Variants in ARHGAP39 observed in about 807,000 individuals in gnomAD.
ARHGAP39 encodes Rho GTPase activating protein 39.
A neutral mutation model predicts 106.9 loss-of-function variants in ARHGAP39; 44 were observed. The ratio of observed to expected loss-of-function variants is 0.41; its 90% CI spans 0.32 to 0.53. The LOEUF is 0.53. Among genes scored for constraint, ARHGAP39 ranks in the 20% least tolerant of loss-of-function variants. The pLI, the probability that ARHGAP39 is intolerant of heterozygous loss-of-function variation, is 0.21. For synonymous variants in ARHGAP39, 768 were observed against 693.2 expected (o/e 1.11, Z -1.69); for missense variants, 1,496 against 1,577.3 (o/e 0.95, Z 0.87).
intron 1 of ARHGAP39, among the ~76,000 whole-genome samples, chr8:144,669,652 T>C (rs113972938): frequency 2.6e-5 from 4 of 151,740 alleles, no homozygotes; most frequent in South Asian, 2.1e-4. Flanking sequence ...ACAGAATATA[T>C]AAAAAACACA....
At chr8:144,635,280 G>T (rs1272279936) in intron 1 of ARHGAP39, among the ~76,000 whole-genome samples, 1 of 152,228 alleles carries the variant, frequency 6.6e-6, no homozygotes, top group African/African-American at 2.4e-5. Flanking sequence ...GAGGCTGAAG[G>T]TTAAGTTGGT....
intron 3 of ARHGAP39, among the ~76,000 whole-genome samples, chr8:144,575,229 C>T (rs1818729134): frequency 6.6e-6 from 1 of 152,178 alleles, no homozygotes; most frequent in Non-Finnish European, 1.5e-5. Context: ...TCACTGCACA[C>T]AACTCCTAAC....
intron 1 of ARHGAP39, among the ~76,000 whole-genome samples, chr8:144,632,438 T>C (rs1192833891): frequency 2.6e-5 from 4 of 152,194 alleles, no homozygotes; most frequent in African/African-American, 9.7e-5. Context: ...CCTCACTGCC[T>C]CTGCCTGGTG....
intron 1 of ARHGAP39, among the ~76,000 whole-genome samples, chr8:144,659,928 C>T (rs1383033317): frequency 6.6e-6 from 1 of 152,192 alleles, no homozygotes; most frequent in East Asian, 1.9e-4. Context: ...AGTCCCAATT[C>T]TCTACCCAAC....
At chr8:144,692,267 A>G in the ARHGAP39 span, among the ~76,000 whole-genome samples, 6 of 150,924 alleles carry the variant, frequency 4.0e-5, no homozygotes, top group Non-Finnish European at 8.8e-5. Flanking sequence ...GGGGCTCCCC[A>G]ATGCCCCGCC....
rs563522861 is a variant in ARHGAP39 at position 144,670,441 on chromosome 8, C to G, written c.-82+15245G>C. On this transcript the variant is annotated intron_variant, in intron 1 of 11. Coordinates refer to ENST00000377307, the MANE Select transcript of ARHGAP39 (RefSeq NM_025251.3). The surrounding 1 kb of genome is among the most constrained non-coding windows in gnomAD (Gnocchi z 4.4). ...CAGCCTCAGCCCCACTGTCATTCAC[C>G]TAAACCACAGGTGGCTCAACCATTT... 2.1e-4 allele frequency among the ~76,000 whole-genome samples: 32 copies of G among 152,322 alleles called. No individual in the cohort carries two copies. Among genetic ancestry groups the G allele is most frequent in the African/African-American group, 7.2e-4 (30 of 41,576 alleles).
chr8:144,599,376 T>C (rs1292220831), intron 2 of ARHGAP39, among the ~76,000 whole-genome samples: 1 of 152,060 alleles, frequency 6.6e-6, no homozygotes, highest in Non-Finnish European at 1.5e-5. Context: ...ATGTTTTAAG[T>C]GGAAAAAGCA....
intron 1 of ARHGAP39, among the ~76,000 whole-genome samples, chr8:144,662,293 G>A (rs745658002): frequency 1.4e-4 from 15 of 106,744 alleles, no homozygotes; most frequent in African/African-American, 4.5e-4. Context: ...CCGACTCCCC[G>A]TTTATCCACC....
rs1822533372 is a variant in ARHGAP39 at position 144,684,768 on chromosome 8, C to CG, written c.-82+917dup. 6.6e-6 allele frequency among the ~76,000 whole-genome samples: 1 copy of CG among 152,188 alleles called. No individual in the cohort carries two copies. Among genetic ancestry groups the CG allele is most frequent in the Non-Finnish European group, 1.5e-5 (1 of 68,016 alleles). On this transcript the variant is annotated intron_variant, in intron 1 of 11. Coordinates refer to ENST00000377307, the MANE Select transcript of ARHGAP39 (RefSeq NM_025251.3). This position sits in a 1 kb window ranked among gnomAD's most constrained non-coding sequence, Gnocchi z 4.4. ...GGAAGCAACCGAGGGAATTCCAGCT[C>CG]GGGGGGCAACCGGGAGGGGAAGGCT...
chr8:144,634,920 C>A (rs914228582), intron 1 of ARHGAP39, among the ~76,000 whole-genome samples: 1 of 152,258 alleles, frequency 6.6e-6, no homozygotes. Context: ...GTCTCCACTC[C>A]TGTCTGGAAC....
chr8:144,637,566 C>T (rs1387078531), intron 1 of ARHGAP39, among the ~76,000 whole-genome samples: 4 of 152,164 alleles, frequency 2.6e-5, no homozygotes, highest in African/African-American at 7.2e-5. Context: ...GCCAAGGTCA[C>T]GCCACTGCAC....
chr8:144,607,333 T>TG (rs1820331232), intron 1 of ARHGAP39, among the ~76,000 whole-genome samples: 1 of 151,404 alleles, frequency 6.6e-6, no homozygotes. Context: ...CAGCCTCTGC[T>TG]GTTAGAAATC....
At chr8:144,555,749 A>G in intron 3 of ARHGAP39, 106 bp from the exon 4 acceptor site, 1 of 980,172 alleles carries the variant, frequency 1.0e-6, no homozygotes, top group Non-Finnish European at 1.6e-6. Flanking sequence ...AATTTCCTGG[A>G]AATAACCTGG....
At chr8:144,653,434 C>T (rs1167608271) in intron 1 of ARHGAP39, among the ~76,000 whole-genome samples, 1 of 152,178 alleles carries the variant, frequency 6.6e-6, no homozygotes, top group Non-Finnish European at 1.5e-5. Context: ...CAACACCATG[C>T]CTGGCGTCTA....
intron 4 of ARHGAP39, among the ~76,000 whole-genome samples, chr8:144,551,045 C>T (rs1043286553): frequency 6.6e-5 from 10 of 152,332 alleles, no homozygotes; most frequent in African/African-American, 1.2e-4. Flanking sequence ...TCGGTCAATG[C>T]GAACCATTAG....
chr8:144,608,564 A>G (rs1408359055), intron 1 of ARHGAP39, among the ~76,000 whole-genome samples: 1 of 152,214 alleles, frequency 6.6e-6, no homozygotes, highest in Non-Finnish European at 1.5e-5. Flanking sequence ...TCATTGTTGA[A>G]GTTGTTTTAA....
chr8:144,691,998 C>T, the ARHGAP39 span, among the ~76,000 whole-genome samples: 3 of 151,998 alleles, frequency 2.0e-5, no homozygotes, highest in African/African-American at 7.3e-5. Context: ...TACATTATTT[C>T]CTTCACAAGT....
chr8:144,567,877 T>G (rs899670022), intron 3 of ARHGAP39, among the ~76,000 whole-genome samples: 1 of 152,140 alleles, frequency 6.6e-6, no homozygotes, highest in African/African-American at 2.4e-5. Flanking sequence ...CCCTTTGTCT[T>G]GTATCCAATA....
chr8:144,533,009 G>T, intron 9 of ARHGAP39, 117 bp downstream of exon 9: 1 of 1,258,604 alleles, frequency 7.9e-7, no homozygotes, highest in Non-Finnish European at 1.1e-6. Context: ...CTGCTCTCAG[G>T]TATGGGTGCG....
Sources: allele counts gnomAD v4.1 joint callset (sites outside exome capture counted in the v4.1 genomes callset), GRCh38; gene constraint gnomAD v4.1.1; non-coding constraint Gnocchi (gnomAD v3.1); transcripts MANE v1.5; gene names NCBI Gene and HGNC (gene_info 2026-07-23, HGNC 2026-07-21).